Variants in ZNF469 observed in about 807,000 individuals in gnomAD.
The protein encoded by ZNF469 is zinc finger protein 469.
In ZNF469, 1 loss-of-function variant was observed where a neutral mutation model predicts 1.0. The ratio of observed to expected loss-of-function variants is 1.00; its 90% CI spans 0.35 to 4.73. The LOEUF is 4.73. Among genes scored for constraint, ZNF469 ranks in the 30% most tolerant of loss-of-function variants. The pLI, the probability that ZNF469 is intolerant of heterozygous loss-of-function variation, is 0.16. For missense variants in ZNF469, 6,100 were observed against 5,356.3 expected (o/e 1.14, Z -4.33); for synonymous variants, 2,703 against 2,363.4 (o/e 1.14, Z -4.17).
chr16:88,354,844 G>C, the ZNF469 span, among the ~76,000 whole-genome samples: 1 of 152,216 alleles, frequency 6.6e-6, no homozygotes. Flanking sequence ...TCAGCCCTGA[G>C]GCTCCAGGGT....
At chr16:88,329,216 C>A in the ZNF469 span, among the ~76,000 whole-genome samples, 1 of 152,120 alleles carries the variant, frequency 6.6e-6, no homozygotes, top group Non-Finnish European at 1.5e-5. Flanking sequence ...CGTGACTGGG[C>A]AGGTGGTGAA....
the ZNF469 span, among the ~76,000 whole-genome samples, chr16:88,116,955 GCACACACACACA>G: frequency 0.26 from 39,958 of 151,206 alleles, 5,649 homozygotes; most frequent in Non-Finnish European, 0.31. Flanking sequence ...GTGCATGCGT[GCACACACACACA>G]CACACACACA....
the ZNF469 span, among the ~76,000 whole-genome samples, chr16:88,256,946 CTTTCTT>C: frequency 3.0e-5 from 1 of 33,424 alleles, no homozygotes; most frequent in Non-Finnish European, 6.7e-5. Context: ...TTCTTTCTTT[CTTTCTT>C]TTCTTTTCTT....
the ZNF469 span, among the ~76,000 whole-genome samples, chr16:88,320,014 A>G: frequency 6.6e-6 from 1 of 152,236 alleles, no homozygotes; most frequent in Non-Finnish European, 1.5e-5. Flanking sequence ...AGGCCATGAT[A>G]ACAGGCACCC....
chr16:88,374,483 G>T, the ZNF469 span, among the ~76,000 whole-genome samples: 1 of 152,212 alleles, frequency 6.6e-6, no homozygotes, highest in South Asian at 2.1e-4. Flanking sequence ...ATAGCTGGGG[G>T]CCCCGACAGG....
At chr16:88,178,048 C>T in the ZNF469 span, 1 of 152,254 alleles carries the variant, frequency 6.6e-6, no homozygotes, top group Non-Finnish European at 1.5e-5. Context: ...CTCTTGCAAT[C>T]CGTAGCTTTG....
chr16:88,416,754 C>T (rs1042396188), intron 1 of ZNF469, among the ~76,000 whole-genome samples: 27 of 152,294 alleles, frequency 1.8e-4, no homozygotes, highest in Admixed American at 1.6e-3. Context: ...ATCAAAACCC[C>T]GCAGGACCAC....
At chr16:88,108,927 G>A in the ZNF469 span, among the ~76,000 whole-genome samples, 35 of 152,284 alleles carry the variant, frequency 2.3e-4, no homozygotes, top group South Asian at 4.1e-4. Flanking sequence ...ACATCTCGAC[G>A]GCAGCCTCAT....
At chr16:88,291,909 CTTCT>C in the ZNF469 span, among the ~76,000 whole-genome samples, 1 of 152,112 alleles carries the variant, frequency 6.6e-6, no homozygotes, top group Non-Finnish European at 1.5e-5. Flanking sequence ...TGTGTCCTTC[CTTCT>C]AAGAAGGCAG....
At chr16:88,268,439 A>G in the ZNF469 span, among the ~76,000 whole-genome samples, 1 of 152,150 alleles carries the variant, frequency 6.6e-6, no homozygotes, top group African/African-American at 2.4e-5. Flanking sequence ...GCCTCCTCTC[A>G]ACTGAGACCG....
the ZNF469 span, among the ~76,000 whole-genome samples, chr16:88,328,535 TG>T: frequency 2.0e-5 from 3 of 152,320 alleles, no homozygotes; most frequent in African/African-American, 7.2e-5. Flanking sequence ...GTGTGCTCTG[TG>T]GGGAAGCTGA....
chr16:88,281,423 T>G, the ZNF469 span, among the ~76,000 whole-genome samples: 1 of 148,948 alleles, frequency 6.7e-6, no homozygotes, highest in South Asian at 2.1e-4. Context: ...TGACGCTTGG[T>G]CAGTACCATG....
the ZNF469 span, among the ~76,000 whole-genome samples, chr16:88,110,210 C>T: frequency 1.4e-3 from 218 of 152,370 alleles, no homozygotes; most frequent in African/African-American, 4.9e-3. Context: ...CCCCAGTACC[C>T]GTCAGAACCC....
the ZNF469 span, among the ~76,000 whole-genome samples, chr16:88,183,204 C>T: frequency 3.3e-5 from 5 of 152,326 alleles, no homozygotes; most frequent in East Asian, 1.9e-4. Flanking sequence ...CGCCTGGAGT[C>T]GCGGGCGTTG....
the ZNF469 span, among the ~76,000 whole-genome samples, chr16:88,240,482 G>A: frequency 8.5e-5 from 13 of 152,266 alleles, no homozygotes; most frequent in East Asian, 3.9e-4. Flanking sequence ...CATGCTGACC[G>A]CCTGGCCTCA....
chr16:88,230,281 C>T, the ZNF469 span, among the ~76,000 whole-genome samples: 3 of 152,218 alleles, frequency 2.0e-5, no homozygotes, highest in East Asian at 1.9e-4. Context: ...AGGGCTGATC[C>T]GAGGCTGCCG....
At chr16:88,131,246 C>G in the ZNF469 span, among the ~76,000 whole-genome samples, 16 of 152,340 alleles carry the variant, frequency 1.1e-4, no homozygotes, top group Non-Finnish European at 1.8e-4. Context: ...AAAGTGACTG[C>G]TTTTCTCAGC....
chr16:88,150,324 A>C, the ZNF469 span, among the ~76,000 whole-genome samples: 1 of 152,256 alleles, frequency 6.6e-6, no homozygotes, highest in Non-Finnish European at 1.5e-5. Flanking sequence ...CACAAACAAA[A>C]AAACCAAACA....
intron 1 of ZNF469, among the ~76,000 whole-genome samples, chr16:88,408,358 G>T (rs1905068186): frequency 6.6e-6 from 1 of 152,196 alleles, no homozygotes; most frequent in Admixed American, 6.5e-5. Context: ...CGCCATGTTG[G>T]CCAGGCTGGT....
Sources: allele counts gnomAD v4.1 joint callset (sites outside exome capture counted in the v4.1 genomes callset), GRCh38; gene constraint gnomAD v4.1.1; transcripts MANE v1.5; gene names NCBI Gene and HGNC (gene_info 2026-07-23, HGNC 2026-07-21).